Variants in EFCAB11 observed in about 807,000 individuals in gnomAD.
EFCAB11 encodes EF-hand calcium-binding domain-containing protein 11.
In EFCAB11, 14 loss-of-function variants were observed where a neutral mutation model predicts 23.0. That is an observed-to-expected ratio of 0.61 (90% CI 0.40 to 0.95). The LOEUF (loss-of-function observed/expected upper bound fraction) is 0.95, where lower values mean the gene tolerates loss of function less well. EFCAB11 is among the 40% of genes least tolerant of loss of function. EFCAB11 has a pLI of 0.00. For missense variants in EFCAB11, 198 were observed against 195.8 expected (o/e 1.01, Z -0.07); for synonymous variants, 65 against 66.6 (o/e 0.98, Z 0.11).
intron 5 of EFCAB11, among the ~76,000 whole-genome samples, chr14:89,867,679 G>A (rs1293082176): frequency 6.6e-6 from 1 of 152,196 alleles, no homozygotes; most frequent in Non-Finnish European, 1.5e-5. Flanking sequence ...ATGCCTCTGG[G>A]AAGATTAAGG....
chr14:89,869,441 C>T (rs1197835605), intron 5 of EFCAB11, among the ~76,000 whole-genome samples: 1 of 152,152 alleles, frequency 6.6e-6, no homozygotes, highest in Admixed American at 6.5e-5. Flanking sequence ...GTCCTTATTA[C>T]ATAATGTCTG....
chr14:89,884,908 A>G (rs1211008789), intron 5 of EFCAB11, among the ~76,000 whole-genome samples: 5 of 152,244 alleles, frequency 3.3e-5, no homozygotes, highest in African/African-American at 1.2e-4. Context: ...GAAAGGACCC[A>G]GAAGCACACA....
At chr14:89,810,625 G>A (rs952902293) in intron 5 of EFCAB11, among the ~76,000 whole-genome samples, 1 of 151,822 alleles carries the variant, frequency 6.6e-6, no homozygotes, top group Admixed American at 6.6e-5. Flanking sequence ...GTATGGTGGC[G>A]GGCACCTGTA....
At chr14:89,892,368 G>T (rs1888999437) in intron 5 of EFCAB11, 19 of 1,610,892 alleles carry the variant, frequency 1.2e-5, no homozygotes, top group Non-Finnish European at 1.6e-5. Context: ...GGCTTGGGGG[G>T]TGTCCGGCTC....
chr14:89,927,219 T>C (rs1404327552), intron 5 of EFCAB11, among the ~76,000 whole-genome samples: 2 of 152,232 alleles, frequency 1.3e-5, no homozygotes, highest in South Asian at 2.1e-4. Context: ...TGCTGTTGTT[T>C]GGTTTGTAAA....
intron 3 of EFCAB11, among the ~76,000 whole-genome samples, chr14:89,949,665 C>T (rs946850319): frequency 6.6e-5 from 10 of 152,144 alleles, no homozygotes; most frequent in Non-Finnish European, 1.5e-4. Flanking sequence ...TGCACCCAGC[C>T]TAGTTTCTGT....
At chr14:89,952,811 A>C (rs561087583) in intron 2 of EFCAB11, among the ~76,000 whole-genome samples, 6 of 152,162 alleles carry the variant, frequency 3.9e-5, no homozygotes, top group Non-Finnish European at 5.9e-5. Flanking sequence ...TGTCTGGTCT[A>C]ATGAGAGTGA....
intron 5 of EFCAB11, among the ~76,000 whole-genome samples, chr14:89,827,520 C>A (rs1886733671): frequency 6.6e-6 from 1 of 152,050 alleles, no homozygotes; most frequent in Admixed American, 6.6e-5. Context: ...CAGGTCTGGC[C>A]CCACCATGCA....
chr14:89,876,477 T>A (rs1261666276), intron 5 of EFCAB11, among the ~76,000 whole-genome samples: 1 of 152,114 alleles, frequency 6.6e-6, no homozygotes, highest in African/African-American at 2.4e-5. Context: ...ATTATATATG[T>A]AAGATGTGTT....
chr14:89,828,812 G>A (rs1886792182), intron 5 of EFCAB11, among the ~76,000 whole-genome samples: 1 of 152,144 alleles, frequency 6.6e-6, no homozygotes, highest in Admixed American at 6.5e-5. Context: ...ATATACAGTT[G>A]GGGAGATATT....
chr14:89,954,732 C>A, upstream of EFCAB11: 1 of 1,553,708 alleles, frequency 6.4e-7, no homozygotes, highest in South Asian at 1.2e-5. Flanking sequence ...TGGCAGCCTA[C>A]CGCGGCCACG....
rs139481659 is a variant in EFCAB11, at chr14:89,924,769, T to C, written c.410+6772A>G. The C allele has an allele frequency of 6.3e-4, 883 of 1,399,240 alleles. 10 individuals carry two copies. The African/African-American group carries it at 0.012, about 18-fold the overall frequency. 86.7% of individuals were successfully genotyped at this position (1,399,240 alleles called of 1,614,324 possible). A position where few individuals can be genotyped will look rare whatever the true frequency, so the allele number is the denominator to read the frequency against. ...TGGAAAGCAAAGCCACATGTGGCTA[T>C]GAAGCTCCTGACTGCATTTTAAAGG... On this transcript the variant is annotated intron_variant, in intron 5 of 5. Coordinates refer to ENST00000316738, the MANE Select transcript of EFCAB11 (RefSeq NM_145231.4).
chr14:89,918,119 C>T (rs548221789), intron 5 of EFCAB11, among the ~76,000 whole-genome samples: 52 of 151,706 alleles, frequency 3.4e-4, no homozygotes, highest in African/African-American at 1.2e-3. Flanking sequence ...CAGGGATAGG[C>T]ATTATAAACA....
chr14:89,852,866 C>T (rs986547578), intron 5 of EFCAB11, among the ~76,000 whole-genome samples: 4 of 152,186 alleles, frequency 2.6e-5, no homozygotes, highest in Non-Finnish European at 5.9e-5. Flanking sequence ...CCCCTGTCCC[C>T]ATCCAGAACT....
At chr14:89,936,075 A>G (rs1278387826) in intron 3 of EFCAB11, among the ~76,000 whole-genome samples, 1 of 149,994 alleles carries the variant, frequency 6.7e-6, no homozygotes, top group Admixed American at 6.6e-5. Context: ...GCCAAAAAGT[A>G]GGTCTCTTTC....
chr14:89,797,225 A>C lies in EFCAB11; in HGVS notation c.*18T>G, dbSNP rs1885604275. The C allele has an allele frequency of 6.2e-7, 1 of 1,609,370 alleles. No individual in the cohort carries two copies. Among genetic ancestry groups the C allele is most frequent in the African/African-American group, 1.3e-5 (1 of 74,808 alleles). On this transcript the variant is annotated 3_prime_UTR_variant, in exon 6 of 6. Transcript: ENST00000316738. ...ATCTATTGATCTCCCCAGAGTTACC[A>C]AAAGTAGTTCACAATAGTTAGGCTT...
At chr14:89,860,383 A>G (rs1887886910) in intron 5 of EFCAB11, among the ~76,000 whole-genome samples, 1 of 152,126 alleles carries the variant, frequency 6.6e-6, no homozygotes, top group Non-Finnish European at 1.5e-5. Context: ...ACAAACAAAC[A>G]AACAAACAAA....
intron 3 of EFCAB11, among the ~76,000 whole-genome samples, chr14:89,936,381 G>A (rs899055209): frequency 6.6e-6 from 1 of 152,110 alleles, no homozygotes; most frequent in African/African-American, 2.4e-5. Context: ...CAATATTGTA[G>A]GATAAAAACA....
Position 89,796,013 on chromosome 14 carries a change from T to C in EFCAB11, c.*1230A>G, listed in dbSNP as rs1056726271. 1 of 152,348 alleles carries C rather than the reference T, an allele frequency of 6.6e-6. No homozygotes were observed. The highest frequency in any genetic ancestry group is 1.5e-5 in the Non-Finnish European group (1 of 68,148). The allele number at this position is 152,348 out of a possible 1,614,324, so 9.4% of individuals were successfully genotyped here. A position where few individuals can be genotyped will look rare whatever the true frequency, so the allele number is the denominator to read the frequency against. On this transcript the variant is annotated 3_prime_UTR_variant, in exon 6 of 6. Coordinates refer to ENST00000316738, the MANE Select transcript of EFCAB11 (RefSeq NM_145231.4). ...TGGCTAAGTGTCTGGGTGCAGGACG[T>C]GACTGCTAGAAACCAGGGGGTATGG...
Sources: allele counts gnomAD v4.1 joint callset (sites outside exome capture counted in the v4.1 genomes callset), GRCh38; gene constraint gnomAD v4.1.1; transcripts MANE v1.5; gene names NCBI Gene and HGNC (gene_info 2026-07-23, HGNC 2026-07-21).